SH3D19: variants seen among roughly 807,000 people sequenced by gnomAD.
SH3D19 encodes SH3 domain-containing protein 19.
Under a neutral mutation model 112.1 loss-of-function variants are expected in SH3D19, and 58 were observed. The ratio of observed to expected loss-of-function variants is 0.52; its 90% CI spans 0.42 to 0.64. SH3D19 has a LOEUF of 0.64. SH3D19 is among the 30% of genes least tolerant of loss of function. SH3D19 has a pLI of 0.00. For missense variants in SH3D19, 1,090 were observed against 1,263.4 expected (o/e 0.86, Z 2.08); for synonymous variants, 391 against 448.5 (o/e 0.87, Z 1.62).
intron 1 of SH3D19, among the ~76,000 whole-genome samples, chr4:151,228,197 C>T (rs1769286364): frequency 1.3e-5 from 2 of 152,026 alleles, no homozygotes; most frequent in South Asian, 2.1e-4. Context: ...TAAAATTTTC[C>T]CCCCAAATTC....
intron 1 of SH3D19, among the ~76,000 whole-genome samples, chr4:151,255,066 C>T (rs567137618): frequency 0.027 from 3,976 of 144,944 alleles, 169 homozygotes; most frequent in African/African-American, 0.093. Context: ...GGCGGCTGGC[C>T]GGGCGGGGGG....
At chr4:151,169,986 A>G (rs1247457353) in intron 7 of SH3D19, among the ~76,000 whole-genome samples, 2 of 152,244 alleles carry the variant, frequency 1.3e-5, no homozygotes, top group Non-Finnish European at 1.5e-5. Context: ...GATACCTCAT[A>G]GTAGGAGAAA....
rs1218506111 is a variant in SH3D19 at position 151,160,236 on chromosome 4, G to A, written c.1643-884C>T. Among the ~76,000 whole-genome samples the A allele has an allele frequency of 3.9e-5, 6 of 151,992 alleles. No individual in the cohort carries two copies. In the East Asian group the frequency reaches 9.7e-4, roughly 25 times the overall value. ...GGAGTAGCTGGGACTACAGGCACCC[G>A]CCACCACGCCTGCCTAATTTTTTTG... is the stretch of plus-strand genomic sequence containing the variant. On this transcript the variant is annotated intron_variant, in intron 8 of 19. Transcript: ENST00000604030.
intron 1 of SH3D19, among the ~76,000 whole-genome samples, chr4:151,297,498 GAGA>G (rs1673933438): frequency 6.6e-6 from 1 of 152,186 alleles, no homozygotes; most frequent in South Asian, 2.1e-4. Flanking sequence ...GAAAATTAGT[GAGA>G]AGAAGACAAA....
chr4:151,284,996 A>T (rs767413820), intron 1 of SH3D19, among the ~76,000 whole-genome samples: 8 of 151,976 alleles, frequency 5.3e-5, no homozygotes, highest in Non-Finnish European at 7.4e-5. Flanking sequence ...GTAGCTCTGA[A>T]CTCTATCCTC....
At chr4:151,234,689 AGGTTTTTCTTTCCTTTTTT>A (rs1769875059) in intron 1 of SH3D19, among the ~76,000 whole-genome samples, 2 of 149,102 alleles carry the variant, frequency 1.3e-5, no homozygotes, top group South Asian at 4.2e-4. Flanking sequence ...CCATTCCTAA[AGGTTTTTCTTTCCTTTTTT>A]GGTTTTTGTT....
At chr4:151,134,185 C>T (rs1751335029) in intron 15 of SH3D19, among the ~76,000 whole-genome samples, 1 of 152,164 alleles carries the variant, frequency 6.6e-6, no homozygotes, top group Admixed American at 6.5e-5. Context: ...CAGAAGTTTT[C>T]TTATTTGTGA....
chr4:151,202,480 A>G (rs145818158), intron 2 of SH3D19, among the ~76,000 whole-genome samples: 43 of 152,350 alleles, frequency 2.8e-4, no homozygotes, highest in African/African-American at 1.0e-3. Flanking sequence ...GTGTGGCACT[A>G]CAGTCCAGTA....
intron 9 of SH3D19, among the ~76,000 whole-genome samples, chr4:151,159,033 C>A (rs1036297974): frequency 6.6e-6 from 1 of 152,082 alleles, no homozygotes; most frequent in Non-Finnish European, 1.5e-5. Context: ...TAGTGAAGTA[C>A]AATGAATTGG....
intron 6 of SH3D19, among the ~76,000 whole-genome samples, chr4:151,176,319 G>GT (rs1236015485): frequency 6.6e-6 from 1 of 152,182 alleles, no homozygotes; most frequent in Non-Finnish European, 1.5e-5. Flanking sequence ...ATAAACTAGG[G>GT]TAAGCTCAAG....
At chr4:151,131,603 C>T (rs1485308458) in intron 17 of SH3D19, among the ~76,000 whole-genome samples, 1 of 151,754 alleles carries the variant, frequency 6.6e-6, no homozygotes, top group African/African-American at 2.4e-5. Context: ...TCCCCTGCCT[C>T]AGCCTCCTGA....
intron 1 of SH3D19, among the ~76,000 whole-genome samples, chr4:151,322,783 C>G (rs1730680910): frequency 6.6e-6 from 1 of 152,192 alleles, no homozygotes. Context: ...ATGAAAAGAA[C>G]TCATTCCAGA....
chr4:151,212,520 G>A (rs774110901), intron 2 of SH3D19, among the ~76,000 whole-genome samples: 28 of 152,188 alleles, frequency 1.8e-4, no homozygotes, highest in Admixed American at 3.3e-4. Flanking sequence ...GAACAACAAA[G>A]CCTAGATGAC....
At chr4:151,133,270 G>A (rs750296196) in intron 15 of SH3D19, 34 bp from the exon 16 acceptor site, 5 of 1,581,458 alleles carry the variant, frequency 3.2e-6, no homozygotes, top group Non-Finnish European at 4.3e-6. Flanking sequence ...GATTAGACTA[G>A]AGAGTGCTTT....
intron 1 of SH3D19, among the ~76,000 whole-genome samples, chr4:151,305,221 T>G (rs1279752118): frequency 6.6e-6 from 1 of 152,178 alleles, no homozygotes; most frequent in Non-Finnish European, 1.5e-5. Flanking sequence ...ATACAAGGTA[T>G]GCAAAGAAAT....
rs1336327736 is a variant in SH3D19 at position 151,120,307 on chromosome 4, TAC to T, written c.*1782_*1783del. 1 of 152,496 alleles carries T rather than the reference TAC, an allele frequency of 6.6e-6. No homozygotes were observed. Among genetic ancestry groups the T allele is most frequent in the African/African-American group, 2.4e-5 (1 of 41,408 alleles). The allele number at this position is 152,496 out of a possible 1,614,324, so 9.4% of individuals were successfully genotyped here. The stretch of plus-strand genomic sequence containing the variant: ...ACTTTGAAAGTTCAGTTCAGTTTAT[TAC>T]AGTGTCAAGTAGATTTACAACTATT... On this transcript the variant is annotated 3_prime_UTR_variant, in exon 20 of 20. Coordinates refer to ENST00000604030, the MANE Select transcript of SH3D19 (RefSeq NM_001378122.1).
intron 1 of SH3D19, among the ~76,000 whole-genome samples, chr4:151,250,381 T>C (rs994066290): frequency 8.5e-5 from 13 of 152,172 alleles, no homozygotes; most frequent in African/African-American, 7.2e-5. Context: ...GAATGATATA[T>C]AGAATATTCT....
Position 151,243,856 on chromosome 4 carries a change from A to G in SH3D19, c.113-17770T>C, listed in dbSNP as rs535287201. ...GTACTGCAGTTTGAGAATTGCTGCT[A>G]AAAAGGAGACAAACCATCAACAGAG... On this transcript the variant is annotated intron_variant, in intron 1 of 19. Coordinates refer to ENST00000604030, the MANE Select transcript of SH3D19 (RefSeq NM_001378122.1). 3.9e-5 allele frequency among the ~76,000 whole-genome samples: 6 copies of G among 152,338 alleles called. No homozygotes were observed. In the South Asian group the frequency reaches 1.2e-3, roughly 32 times the overall value.
intron 1 of SH3D19, among the ~76,000 whole-genome samples, chr4:151,317,860 C>A (rs1284105388): frequency 6.6e-6 from 1 of 151,988 alleles, no homozygotes; most frequent in Admixed American, 6.6e-5. Flanking sequence ...GTAATCCCAG[C>A]TACTTGGGAG....
Sources: allele counts gnomAD v4.1 joint callset (sites outside exome capture counted in the v4.1 genomes callset), GRCh38; gene constraint gnomAD v4.1.1; transcripts MANE v1.5; gene names NCBI Gene and HGNC (gene_info 2026-07-23, HGNC 2026-07-21).